TDRD3: variants seen among roughly 807,000 people sequenced by gnomAD.
The protein encoded by TDRD3 is tudor domain containing 3.
In TDRD3, 45 loss-of-function variants were observed where a neutral mutation model predicts 86.7. That is an observed-to-expected ratio of 0.52 (90% CI 0.41 to 0.67). The LOEUF (loss-of-function observed/expected upper bound fraction) is 0.67. Among genes scored for constraint, TDRD3 ranks in the 30% least tolerant of loss-of-function variants. The pLI is 0.00. For synonymous variants in TDRD3, 298 were observed against 301.7 expected (o/e 0.99, Z 0.13); for missense variants, 814 against 889.0 (o/e 0.92, Z 1.07).
At chr13:60,413,109 G>A (rs531312740) in intron 1 of TDRD3, among the ~76,000 whole-genome samples, 3 of 151,488 alleles carry the variant, frequency 2.0e-5, no homozygotes, top group Non-Finnish European at 4.4e-5. Flanking sequence ...AAGTTAGCAT[G>A]TGAAAATGCT....
At chr13:60,428,517 C>T (rs1310420307) in intron 1 of TDRD3, among the ~76,000 whole-genome samples, 1 of 152,018 alleles carries the variant, frequency 6.6e-6, no homozygotes, top group Admixed American at 6.6e-5. Context: ...TTAATTTTAT[C>T]GTGCATAGCA....
chr13:60,541,180 T>TCTTTCTTTCTTTCTTTCTCTC, intron 12 of TDRD3, among the ~76,000 whole-genome samples: 1 of 150,526 alleles, frequency 6.6e-6, no homozygotes, highest in Middle Eastern at 3.4e-3. Context: ...TTTCTTTCTT[T>TCTTTCTTTCTTTCTTTCTCTC]TTTTGAGACG....
intron 12 of TDRD3, among the ~76,000 whole-genome samples, chr13:60,556,841 G>A (rs185865620): frequency 1.2e-4 from 18 of 152,270 alleles, no homozygotes; most frequent in African/African-American, 3.9e-4. Context: ...AGAATAAGGA[G>A]AAGTAGAATA....
chr13:60,400,358 G>T (rs1045752747), intron 1 of TDRD3, among the ~76,000 whole-genome samples: 8 of 152,146 alleles, frequency 5.3e-5, no homozygotes, highest in Non-Finnish European at 1.5e-5. Context: ...TGGACATTTT[G>T]AATTTTTCTC....
intron 3 of TDRD3, among the ~76,000 whole-genome samples, chr13:60,450,959 A>C (rs1424782532): frequency 1.3e-5 from 2 of 152,048 alleles, no homozygotes; most frequent in Non-Finnish European, 2.9e-5. Context: ...ACATACACAC[A>C]TACACACACA....
intron 3 of TDRD3, among the ~76,000 whole-genome samples, chr13:60,449,806 C>T (rs979454224): frequency 2.6e-5 from 4 of 152,022 alleles, no homozygotes; most frequent in African/African-American, 7.2e-5. Flanking sequence ...TTACTTTCCA[C>T]TTAAACTCCT....
At chr13:60,526,928 A>G (rs1957451662) in intron 10 of TDRD3, among the ~76,000 whole-genome samples, 1 of 151,880 alleles carries the variant, frequency 6.6e-6, no homozygotes, top group African/African-American at 2.4e-5. Flanking sequence ...TCCATCTCCC[A>G]GGTTCAAGCG....
intron 12 of TDRD3, chr13:60,536,982 AT>A (rs1957708909): frequency 6.6e-6 from 1 of 152,094 alleles, no homozygotes; most frequent in Non-Finnish European, 1.5e-5. Context: ...TGTACAGCTC[AT>A]TTAGTGATTC....
At chr13:60,492,917 C>CTTTTTTTTTTTTT (rs71199004) in intron 7 of TDRD3, among the ~76,000 whole-genome samples, 42 of 115,470 alleles carry the variant, frequency 3.6e-4, no homozygotes, top group Non-Finnish European at 4.9e-4. Context: ...TCTTTCTTTT[C>CTTTTTTTTTTTTT]TTTTTTTTTT....
chr13:60,526,445 A>G (rs142166836), intron 10 of TDRD3, among the ~76,000 whole-genome samples: 2 of 152,244 alleles, frequency 1.3e-5, no homozygotes, highest in Admixed American at 1.3e-4. Flanking sequence ...TTGTGTCCTG[A>G]TTATGGTCAC....
At chr13:60,537,359 A>G (rs1957719040) in intron 12 of TDRD3, 1 of 152,068 alleles carries the variant, frequency 6.6e-6, no homozygotes, top group Non-Finnish European at 1.5e-5. Flanking sequence ...CCAGCTTAAC[A>G]TATCTCAACC....
At chr13:60,485,724 A>G (rs1474680898) in intron 6 of TDRD3, 75 bp from the exon 7 acceptor site, 1 of 1,176,746 alleles carries the variant, frequency 8.5e-7, no homozygotes, top group Non-Finnish European at 1.1e-6. Flanking sequence ...ACTTTTGAAG[A>G]AGTATTACTT....
At chr13:60,442,935 A>G (rs998932950) in intron 2 of TDRD3, among the ~76,000 whole-genome samples, 4 of 152,032 alleles carry the variant, frequency 2.6e-5, no homozygotes, top group East Asian at 3.9e-4. Context: ...ATTAAATTTC[A>G]TAATTATTGA....
At chr13:60,406,907 G>A (rs1363488364) in intron 1 of TDRD3, among the ~76,000 whole-genome samples, 1 of 152,146 alleles carries the variant, frequency 6.6e-6, no homozygotes, top group African/African-American at 2.4e-5. Context: ...AAGGCAGTCT[G>A]TCATGGATAT....
chr13:60,464,712 C>A (rs562718982), intron 4 of TDRD3, among the ~76,000 whole-genome samples: 3 of 151,962 alleles, frequency 2.0e-5, no homozygotes, highest in Non-Finnish European at 4.4e-5. Flanking sequence ...CACAGAAAGA[C>A]AAATATTGCA....
At position 60,528,378 on chromosome 13, in the gene TDRD3, C is replaced by T. The variant is rs554884183; in HGVS notation, c.1153C>T (p.Gln385Ter). 6.2e-7 allele frequency: 1 copy of T among 1,601,580 alleles called. No individual in the cohort carries two copies. Among genetic ancestry groups the T allele is most frequent in the Admixed American group, 1.7e-5 (1 of 58,644 alleles). ...GTLNVEEPKS[Q>*]PQQLHQGQYR... ...CTTTTACCTTTCAGAACCTAAATCA[C>T]AGCCACAGCAGCTTCATCAGGGACA... Residue 385 changes from glutamine (Q) to a stop codon, truncating the protein, a stop_gained, in exon 11 of 14, where the codon CAG becomes TAG. Coordinates refer to ENST00000377881, the MANE Select transcript of TDRD3 (RefSeq NM_001146070.2). LOFTEE classifies it high-confidence loss of function.
chr13:60,547,344 G>T, intron 12 of TDRD3: 1 of 985,334 alleles, frequency 1.0e-6, no homozygotes, highest in Non-Finnish European at 1.2e-6. Flanking sequence ...TGAGAGAAGG[G>T]GAGTGGGCAA....
intron 10 of TDRD3, among the ~76,000 whole-genome samples, chr13:60,517,934 T>G (rs1957209443): frequency 6.6e-6 from 1 of 152,184 alleles, no homozygotes; most frequent in South Asian, 2.1e-4. Flanking sequence ...AGCAGCAGAT[T>G]GGAAATTAAA....
intron 1 of TDRD3, among the ~76,000 whole-genome samples, chr13:60,397,618 CCTGGGCCCCGGGCGGCG>C (rs944209091): frequency 1.5e-4 from 14 of 94,014 alleles, no homozygotes; most frequent in Non-Finnish European, 2.8e-4. Flanking sequence ...GCGGCGGCGG[CCTGGGCCCCGGGCGGCG>C]GGCCTGGGCC....
Sources: gnomAD v4.1 joint callset for allele counts (sites outside exome capture counted in the v4.1 genomes callset) on GRCh38, gnomAD v4.1.1 for gene constraint, MANE v1.5 for transcripts, NCBI Gene and HGNC (gene_info 2026-07-23, HGNC 2026-07-21) for gene names.